The following NOSIP variants were observed in gnomAD, a reference collection of about 807,000 sequenced individuals.
NOSIP encodes the protein nitric oxide synthase-interacting protein.
Under a neutral mutation model 36.4 loss-of-function variants are expected in NOSIP, and 25 were observed. That is an observed-to-expected ratio of 0.69 (90% CI 0.50 to 0.96). The LOEUF is 0.96. NOSIP is among the 40% of genes least tolerant of loss of function. The pLI, the probability that NOSIP is intolerant of heterozygous loss-of-function variation, is 0.00. For missense variants in NOSIP, 370 were observed against 429.0 expected (o/e 0.86, Z 1.21); for synonymous variants, 187 against 179.2 (o/e 1.04, Z -0.35).
chr19:49,561,123 G>A (rs533876814), intron 1 of NOSIP, among the ~76,000 whole-genome samples: 1 of 152,262 alleles, frequency 6.6e-6, no homozygotes, highest in African/African-American at 2.4e-5. Context: ...CCAAGGCGTG[G>A]ACCAGCCCAG....
rs35076085 is a variant in NOSIP at position 49,563,496 on chromosome 19, CT to C, written c.-1-2805del. 3.2e-3 allele frequency among the ~76,000 whole-genome samples: 431 copies of C among 135,452 alleles called. 1 individual carries two copies. Among genetic ancestry groups the C allele is most frequent in the South Asian group, 7.6e-3 (32 of 4,198 alleles). The allele number at this position is 135,452 out of a possible 152,430, so 88.9% of individuals were successfully genotyped here. ...ATCATATCTTTTGTGCTTGAAAATTCTTTTTTTTTTTTTTGAGATCGAGTTT... is the reference window on the plus strand; with the variant it reads ...ATCATATCTTTTGTGCTTGAAAATTCTTTTTTTTTTTTTGAGATCGAGTTT... On this transcript the variant is annotated intron_variant, in intron 1 of 8. Transcript: ENST00000596358.
At chr19:49,557,803 G>C in intron 4 of NOSIP, 1 of 988,274 alleles carries the variant, frequency 1.0e-6, no homozygotes, top group Non-Finnish European at 1.2e-6. Flanking sequence ...GCGCACAGCA[G>C]TTGCCTGGGC....
chr19:49,557,790 C>G (rs906622658), intron 4 of NOSIP: 70 of 988,510 alleles, frequency 7.1e-5, no homozygotes, highest in Non-Finnish European at 8.3e-5. Flanking sequence ...TCAGCCCTGC[C>G]TGGCGCACAG....
chr19:49,569,272 C>G (rs2080453359), intron 1 of NOSIP, among the ~76,000 whole-genome samples: 1 of 148,898 alleles, frequency 6.7e-6, no homozygotes, highest in South Asian at 2.1e-4. Flanking sequence ...AATCTCACTG[C>G]AAGCTCCACC....
chr19:49,559,055 G>T, intron 3 of NOSIP, 77 bp from the exon 4 acceptor site: 3 of 1,168,576 alleles, frequency 2.6e-6, no homozygotes, highest in Non-Finnish European at 3.8e-6. Context: ...GGGATTATAG[G>T]CAGAAGTCAT....
intron 1 of NOSIP, among the ~76,000 whole-genome samples, chr19:49,568,862 G>A (rs2080447217): frequency 6.7e-6 from 1 of 149,174 alleles, no homozygotes; most frequent in African/African-American, 2.5e-5. Flanking sequence ...GAGTGCAGTG[G>A]CGCAATCTCG....
At chr19:49,557,273 GC>G in intron 4 of NOSIP, 24 bp from the exon 5 acceptor site, 1 of 1,555,898 alleles carries the variant, frequency 6.4e-7, no homozygotes, top group South Asian at 1.2e-5. Context: ...AGTGGGCTGA[GC>G]ATCTGCCCGT....
rs1466134724 is a variant in NOSIP at position 49,555,724 on chromosome 19, C to T, written c.*27G>A. On this transcript the variant is annotated 3_prime_UTR_variant, in exon 9 of 9. Coordinates refer to ENST00000596358, the MANE Select transcript of NOSIP (RefSeq NM_001270960.2). ...GGCGCCACGTCGTTGCGCACCCAAG[C>T]CGGTTTATTTGGTCTCCCGCACACA... The T allele has an allele frequency of 6.2e-7, 1 of 1,604,638 alleles. No homozygotes were observed. The highest frequency in any genetic ancestry group is 2.2e-5 in the East Asian group (1 of 44,720).
chr19:49,569,329 G>T (rs2080454339), intron 1 of NOSIP, among the ~76,000 whole-genome samples: 1 of 150,336 alleles, frequency 6.7e-6, no homozygotes, highest in Admixed American at 6.6e-5. Flanking sequence ...GAGTAGCTGG[G>T]ACTACAGGCA....
At chr19:49,561,295 G>A (rs1281079909) in intron 1 of NOSIP, among the ~76,000 whole-genome samples, 4 of 152,162 alleles carry the variant, frequency 2.6e-5, no homozygotes, top group Non-Finnish European at 5.9e-5. Context: ...GTGTCTAGGG[G>A]AAGAGCTACC....
In NOSIP at chr19:49,556,908, C is replaced by T; in HGVS notation, c.504G>A (p.Thr168=). 2 of 1,613,476 alleles carry T rather than the reference C, an allele frequency of 1.2e-6. No individual in the cohort carries two copies. The highest frequency in any genetic ancestry group is 8.5e-7 in the Non-Finnish European group (1 of 1,179,730). Residue 168 remains threonine (T), a synonymous_variant, in exon 6 of 9, where the codon ACG becomes ACA. Transcript: ENST00000596358. The part of the protein sequence containing the change: ...VLPSFWIPSL[T]PEAKATKLEK... ...CCAGCTTGGTGGCCTTGGCTTCGGG[C>T]GTCAGCGACGGGATCCAGAAGCTGG...
intron 1 of NOSIP, among the ~76,000 whole-genome samples, chr19:49,580,049 G>A (rs577774739): frequency 5.3e-5 from 8 of 151,072 alleles, no homozygotes; most frequent in Admixed American, 4.0e-4. Context: ...CTGTCAAAAA[G>A]GTGAAGAGAA....
chr19:49,556,291 G>A (rs752379701), intron 8 of NOSIP, 26 bp downstream of exon 8: 1 of 1,522,916 alleles, frequency 6.6e-7, no homozygotes, highest in Non-Finnish European at 9.0e-7. Context: ...GGAGTGCTGG[G>A]GGAAGGGGAG....
intron 1 of NOSIP, among the ~76,000 whole-genome samples, chr19:49,577,839 AGAAG>A (rs1291068310): frequency 1.3e-5 from 2 of 152,082 alleles, no homozygotes; most frequent in African/African-American, 4.8e-5. Context: ...GCTAAATGAA[AGAAG>A]GAAGGCAGTC....
In NOSIP at chr19:49,557,155, T is replaced by TCCAGGAAGC. The variant is rs775591748; in HGVS notation, c.352_353insGCTTCCTGG (p.Lys117_Glu118insGlyPheLeu). On this transcript the variant is annotated inframe_insertion, in exon 5 of 9. Transcript: ENST00000596358. ...GAGGGGCCGGCTCACGATAGCCGAC[T>TCCAGGAAGC]CCTTCTCCAGGAAGCCCCGCACATG... 1.9e-6 allele frequency: 3 copies of TCCAGGAAGC among 1,612,214 alleles called. No homozygotes were observed. The highest frequency in any genetic ancestry group is 1.7e-6 in the Non-Finnish European group (2 of 1,179,384).
intron 1 of NOSIP, among the ~76,000 whole-genome samples, chr19:49,565,774 A>G (rs980140652): frequency 1.4e-5 from 2 of 138,418 alleles, no homozygotes; most frequent in African/African-American, 6.4e-5. Flanking sequence ...AAAAAAAAAG[A>G]AAGAAAGAAA....
At chr19:49,555,918 G>C in intron 8 of NOSIP, 96 bp from the exon 9 acceptor site, 2 of 878,076 alleles carry the variant, frequency 2.3e-6, no homozygotes, top group South Asian at 2.9e-5. Context: ...GGGTCAAGGT[G>C]AAGCGGGTTG....
At chr19:49,561,593 G>A (rs1032533021) in intron 1 of NOSIP, among the ~76,000 whole-genome samples, 1 of 152,056 alleles carries the variant, frequency 6.6e-6, no homozygotes, top group Non-Finnish European at 1.5e-5. Flanking sequence ...CTTTTAAAGT[G>A]GTTTCAGACC....
Position 49,556,915 on chromosome 19 carries a change from G to A in NOSIP, c.497C>T (p.Ser166Leu). The A allele has an allele frequency of 6.2e-7, 1 of 1,613,596 alleles. No individual in the cohort carries two copies. The highest frequency in any genetic ancestry group is 8.5e-7 in the Non-Finnish European group (1 of 1,179,748). ...GGTGGCCTTGGCTTCGGGCGTCAGCGACGGGATCCAGAAGCTGGGCAGCAC... is the reference window on the plus strand; with the variant it reads ...GGTGGCCTTGGCTTCGGGCGTCAGCAACGGGATCCAGAAGCTGGGCAGCAC... ...DKVLPSFWIP[S>L]LTPEAKATKL... Residue 166 changes from serine to leucine, a missense_variant, in exon 6 of 9, where the codon TCG becomes TTG. Physicochemically the swap from Ser to Leu is moderately radical, Grantham distance 145 (BLOSUM62 -2). Coordinates refer to ENST00000596358, the MANE Select transcript of NOSIP (RefSeq NM_001270960.2).
Sources: allele counts gnomAD v4.1 joint callset (sites outside exome capture counted in the v4.1 genomes callset), GRCh38; gene constraint gnomAD v4.1.1; transcripts MANE v1.5; gene names NCBI Gene and HGNC (gene_info 2026-07-23, HGNC 2026-07-21).